SRRT: variants seen among roughly 807,000 people sequenced by gnomAD.
SRRT encodes serrate, RNA effector molecule, also known as serrate RNA effector molecule homolog.
Under a neutral mutation model 103.2 loss-of-function variants are expected in SRRT, and 32 were observed. The observed-to-expected ratio is 0.31, with a 90% confidence interval of 0.23 to 0.42. The LOEUF is 0.42. SRRT is among the 10% of genes least tolerant of loss of function. The pLI is 1.00. For synonymous variants in SRRT, 525 were observed against 449.0 expected, an observed-to-expected ratio of 1.17 and a Z score of -2.14; for missense variants, 986 against 1,207.5, an observed-to-expected ratio of 0.82 and a Z score of 2.72.
rs774857267 is a variant in SRRT, at chr7:100,886,096, G to A, written c.1459-151G>A. ...TTGTCTCTGGGCAAGGCTCTAGGGC[G>A]TTAGCATGGACGGAACCTATGTGGT... On this transcript the variant is annotated intron_variant, in intron 12 of 19. Coordinates refer to ENST00000611405, the MANE Select transcript of SRRT (RefSeq NM_015908.6). 2.4e-5 allele frequency: 30 copies of A among 1,257,244 alleles called. No individual in the cohort carries two copies. The East Asian group carries it at 3.6e-4, about 15-fold the overall frequency. The allele number at this position is 1,257,244 out of a possible 1,614,324, so 77.9% of individuals were successfully genotyped here.
At chr7:100,884,667 T>C in intron 7 of SRRT, 73 bp from the exon 8 acceptor site, 1 of 1,003,536 alleles carries the variant, frequency 1.0e-6, no homozygotes, top group Non-Finnish European at 1.4e-6. Flanking sequence ...TGGCCTCAGC[T>C]GTGGGGGTGG....
chr7:100,884,737 T>C lies in SRRT; in HGVS notation c.943-3T>C. ...CATCCCCAGTGGTTGTCTCTTACCA[T>C]AGGCTGAGAATGACAGTTCTAATGA... On this transcript the variant is annotated splice_polypyrimidine_tract_variant and splice_region_variant and intron_variant, in intron 7 of 19. Transcript: ENST00000611405. 1.2e-6 allele frequency: 2 copies of C among 1,613,476 alleles called. No individual in the cohort carries two copies. Among genetic ancestry groups the C allele is most frequent in the Non-Finnish European group, 1.7e-6 (2 of 1,179,668 alleles).
In SRRT at chr7:100,887,973, C is replaced by A. The variant is rs1234286542; in HGVS notation, c.2327-69C>A. 2.6e-6 allele frequency: 4 copies of A among 1,529,218 alleles called. No homozygotes were observed. The highest frequency in any genetic ancestry group is 3.5e-6 in the Non-Finnish European group (4 of 1,138,490). 94.7% of individuals were successfully genotyped at this position (1,529,218 alleles called of 1,614,324 possible). A position where few individuals can be genotyped will look rare whatever the true frequency, so the allele number is the denominator to read the frequency against. On this transcript the variant is annotated intron_variant, in intron 17 of 19. Transcript: ENST00000611405. This position sits in a 1 kb window ranked among gnomAD's most constrained non-coding sequence, Gnocchi z 4.1. ...TTTCTGCCCCATCCTCAGGCCATAG[C>A]CCTAGAAGTCAATTGTACCCGTATC...
chr7:100,884,242 G>T lies in SRRT; in HGVS notation c.757+3G>T. The T allele has an allele frequency of 6.2e-7, 1 of 1,614,148 alleles. No individual in the cohort carries two copies. The highest frequency in any genetic ancestry group is 1.1e-5 in the South Asian group (1 of 91,080). ...CATTGTCAAGATGCTGGATGCAGGT[G>T]TGCGGATTTGGAGGGGTGGCAGGCA... On this transcript the variant is annotated splice_donor_region_variant and intron_variant, in intron 6 of 19. Transcript: ENST00000611405.
chr7:100,886,087 C>A, intron 12 of SRRT, 146 bp downstream of exon 12: 2 of 1,269,338 alleles, frequency 1.6e-6, no homozygotes, highest in Non-Finnish European at 2.2e-6. Flanking sequence ...CTGGGCAAGG[C>A]TCTAGGGCGT....
chr7:100,880,808 G>A, intron 2 of SRRT: 1 of 328,470 alleles, frequency 3.0e-6, no homozygotes, highest in South Asian at 2.2e-5. Context: ...ATGTGGGTCT[G>A]GAGCACAGGC....
intron 7 of SRRT, 73 bp downstream of exon 7, chr7:100,884,625 C>A: frequency 6.9e-7 from 1 of 1,443,082 alleles, no homozygotes; most frequent in Non-Finnish European, 9.4e-7. Flanking sequence ...TCCATAGGAG[C>A]TAGAAGTAGG....
At chr7:100,884,279 T>C in intron 6 of SRRT, 40 bp downstream of exon 6, 1 of 1,611,572 alleles carries the variant, frequency 6.2e-7, no homozygotes. Flanking sequence ...CTGGGCCCCA[T>C]GGGGGTGGGG....
At chr7:100,883,792 C>T (rs1255244847) in intron 5 of SRRT, among the ~76,000 whole-genome samples, 1 of 152,204 alleles carries the variant, frequency 6.6e-6, no homozygotes. Flanking sequence ...AAATCTGCCT[C>T]TCCTACCCTG....
Position 100,884,053 on chromosome 7 carries a change from C to T in SRRT, c.588-17C>T, listed in dbSNP as rs1293411819. ...CCAATAACTGTTTTGTCTTTCCCTC[C>T]CCCGCTTCGTTCCCAGGTTTCGGTC... On this transcript the variant is annotated splice_polypyrimidine_tract_variant and intron_variant, in intron 5 of 19. Coordinates refer to ENST00000611405, the MANE Select transcript of SRRT (RefSeq NM_015908.6). 2.6e-6 allele frequency: 4 copies of T among 1,565,832 alleles called. No individual in the cohort carries two copies. Among genetic ancestry groups the T allele is most frequent in the Non-Finnish European group, 2.6e-6 (3 of 1,160,532 alleles).
At chr7:100,876,082 G>C in intron 2 of SRRT, 1 of 211,086 alleles carries the variant, frequency 4.7e-6, no homozygotes, top group East Asian at 1.1e-4. Context: ...GCTCAACCGA[G>C]CCTCCCGCCT....
chr7:100,883,865 A>G (rs188362137), intron 5 of SRRT, among the ~76,000 whole-genome samples: 32 of 152,202 alleles, frequency 2.1e-4, no homozygotes, highest in African/African-American at 6.5e-4. Context: ...TTCTCCCCCA[A>G]ATCTTCACAG....
intron 12 of SRRT, 152 bp from the exon 13 acceptor site, chr7:100,886,095 C>CT (rs1790069021): frequency 8.0e-7 from 1 of 1,250,438 alleles, no homozygotes. Context: ...GGCTCTAGGG[C>CT]GTTAGCATGG....
In SRRT at chr7:100,877,158, C is replaced by T. The variant is rs147950395; in HGVS notation, c.122+1446C>T. 6.3e-3 allele frequency among the ~76,000 whole-genome samples: 954 copies of T among 151,398 alleles called. 6 individuals are homozygous for T. The highest frequency in any genetic ancestry group is 0.022 in the African/African-American group (902 of 41,292). On this transcript the variant is annotated intron_variant, in intron 2 of 19. Coordinates refer to ENST00000611405, the MANE Select transcript of SRRT (RefSeq NM_015908.6). ...AAAAAGCCAGCCGGGCCCAGTGGCTCACACCTGAAATCCCAGCACTTTGGG... is the reference window on the plus strand; with the variant it reads ...AAAAAGCCAGCCGGGCCCAGTGGCTTACACCTGAAATCCCAGCACTTTGGG...
At chr7:100,881,238 G>A (rs1816287064) in intron 2 of SRRT, 47 bp from the exon 3 acceptor site, 1 of 1,582,456 alleles carries the variant, frequency 6.3e-7, no homozygotes, top group South Asian at 1.1e-5. Context: ...ACAGGCATGA[G>A]CCACTGTGCC....
In SRRT at chr7:100,886,359, C is replaced by T. The variant is rs778092656; in HGVS notation, c.1571C>T (p.Ala524Val). 4 of 1,613,782 alleles carry T rather than the reference C, an allele frequency of 2.5e-6. No homozygotes were observed. Among genetic ancestry groups the T allele is most frequent in the Admixed American group, 1.7e-5 (1 of 60,018 alleles). Residue 524 changes from alanine to valine, a missense_variant, in exon 13 of 20, where the codon GCG (alanine) becomes GTG (valine). By Grantham distance (64) the Ala-to-Val change is moderately conservative. Transcript: ENST00000611405. The stretch of plus-strand genomic sequence containing the variant: ...ATTGTGCGCAACGACATCAAGCTGG[C>T]GGCCAAGCTGATCCACACGCTGGAT... ...KQIVRNDIKL[A>V]AKLIHTLDDR...
At chr7:100,875,524 C>T (rs2115677824) in intron 1 of SRRT, 49 bp from the exon 2 acceptor site, 4 of 1,602,898 alleles carry the variant, frequency 2.5e-6, no homozygotes, top group South Asian at 1.1e-5. Flanking sequence ...CGGTCCCTTC[C>T]TCCGCTCGTC....
chr7:100,886,126 G>T, intron 12 of SRRT, 121 bp from the exon 13 acceptor site: 1 of 1,301,412 alleles, frequency 7.7e-7, no homozygotes. Flanking sequence ...TGTGGTCCCC[G>T]TCCCCAGGGA....
Position 100,885,721 on chromosome 7 carries a change from C to G in SRRT, c.1338C>G (p.Gly446=). ...EIISLCKRYP[G]FMRVALSEPQ... ...TGCAGCTTTGTAAAAGGTACCCAGGCTTTATGCGGGTGGCGCTCTCAGAGC... is the reference window on the plus strand; with the variant it reads ...TGCAGCTTTGTAAAAGGTACCCAGGGTTTATGCGGGTGGCGCTCTCAGAGC... The change falls in exon 11 of 20, where the codon GGC becomes GGG. Residue 446 remains glycine (G), a synonymous_variant. Coordinates refer to ENST00000611405, the MANE Select transcript of SRRT (RefSeq NM_015908.6). This position sits in a 1 kb window ranked among gnomAD's most constrained non-coding sequence, Gnocchi z 4.8. 6.2e-7 allele frequency: 1 copy of G among 1,613,334 alleles called. No homozygotes were observed. The highest frequency in any genetic ancestry group is 8.5e-7 in the Non-Finnish European group (1 of 1,179,626).
Sources: gnomAD v4.1 joint callset for allele counts (sites outside exome capture counted in the v4.1 genomes callset) on GRCh38, gnomAD v4.1.1 for gene constraint, Gnocchi (gnomAD v3.1) non-coding constraint, MANE v1.5 for transcripts, NCBI Gene and HGNC (gene_info 2026-07-23, HGNC 2026-07-21) for gene names.